NEMF: variants seen among roughly 807,000 people sequenced by gnomAD.
The protein encoded by NEMF is nuclear export mediator factor, also known as ribosome quality control complex subunit NEMF.
A neutral mutation model predicts 162.2 loss-of-function variants in NEMF; 89 were observed. That is an observed-to-expected ratio of 0.55 (90% confidence interval 0.46 to 0.65). NEMF has a LOEUF of 0.65. NEMF is among the 30% of genes least tolerant of loss of function. The probability of loss-of-function intolerance (pLI) is 0.00; values close to 1 mark genes in which losing one functional copy is unlikely to be tolerated. For synonymous variants in NEMF, 421 were observed against 404.5 expected, an observed-to-expected ratio of 1.04 and a Z score of -0.49; for missense variants, 1,133 against 1,261.9, an observed-to-expected ratio of 0.90 and a Z score of 1.55.
intron 26 of NEMF, among the ~76,000 whole-genome samples, chr14:49,795,313 G>A (rs932074332): frequency 2.0e-5 from 3 of 149,328 alleles, no homozygotes; most frequent in African/African-American, 7.4e-5. Flanking sequence ...GCATTCCAGC[G>A]TGGGTGACAG....
rs774580059 is a variant in NEMF at position 49,828,690 on chromosome 14, C to G, written c.1350G>C (p.Leu450=). The G allele has an allele frequency of 6.2e-7, 1 of 1,605,626 alleles. No homozygotes were observed. The highest frequency in any genetic ancestry group is 1.7e-5 in the Admixed American group (1 of 57,394). ...GKKKKQKNKQ[L]QKPQKNKPLL... ...AGGGCTTATTTTTCTGAGGCTTCTG[C>G]AGCTGTTTATTCTTTTGTTTTTTCT... The change falls in exon 14 of 33, where the codon CTG becomes CTC. Residue 450 remains leucine (L), a synonymous_variant. Coordinates refer to ENST00000298310, the MANE Select transcript of NEMF (RefSeq NM_004713.6).
intron 22 of NEMF, among the ~76,000 whole-genome samples, chr14:49,801,791 T>C (rs1890968296): frequency 6.6e-6 from 1 of 152,184 alleles, no homozygotes; most frequent in South Asian, 2.1e-4. Flanking sequence ...CTGCACTTTA[T>C]AAATTCATCT....
intron 18 of NEMF, among the ~76,000 whole-genome samples, chr14:49,806,603 A>G (rs902163696): frequency 1.3e-5 from 2 of 150,918 alleles, no homozygotes; most frequent in East Asian, 4.2e-4. Flanking sequence ...TTACTTCACC[A>G]TTATAAAAAG....
chr14:49,840,646 G>C (rs2099058535), intron 5 of NEMF, 72 bp downstream of exon 5: 1 of 1,338,396 alleles, frequency 7.5e-7, no homozygotes. Flanking sequence ...TTTTTTAAGA[G>C]ACAGGGTCTC....
chr14:49,803,513 T>C (rs1891046844), intron 19 of NEMF, among the ~76,000 whole-genome samples: 1 of 151,262 alleles, frequency 6.6e-6, no homozygotes. Context: ...ATCCACTACA[T>C]CAATAATTTT....
In NEMF at chr14:49,843,237, G is replaced by A. The variant is rs113211888; in HGVS notation, c.358-2371C>T. The stretch of plus-strand genomic sequence containing the variant: ...GAGCCAGGCGTGGTGGCTCACCCCC[G>A]TAATCCCAACACCTTAGGAGGTTGA... On this transcript the variant is annotated intron_variant, in intron 4 of 32. Coordinates refer to ENST00000298310, the MANE Select transcript of NEMF (RefSeq NM_004713.6). Among the ~76,000 whole-genome samples, 555 of 152,178 alleles carry A rather than the reference G, an allele frequency of 3.6e-3. 1 individual carries two copies. The highest frequency in any genetic ancestry group is 0.013 in the African/African-American group (532 of 41,524).
intron 3 of NEMF, among the ~76,000 whole-genome samples, chr14:49,848,254 TA>T (rs1448850289): frequency 1.3e-5 from 2 of 152,174 alleles, no homozygotes; most frequent in Non-Finnish European, 2.9e-5. Flanking sequence ...CAATCCAATG[TA>T]ATAACTCTCA....
intron 19 of NEMF, among the ~76,000 whole-genome samples, chr14:49,803,528 C>CTT (rs1221404012): frequency 2.1e-5 from 3 of 140,710 alleles, no homozygotes; most frequent in East Asian, 2.0e-4. Flanking sequence ...AATTTTCTTT[C>CTT]TTTTTTTTTT....
intron 22 of NEMF, among the ~76,000 whole-genome samples, chr14:49,801,954 C>CTT (rs199736302): frequency 1.4e-5 from 2 of 144,630 alleles, no homozygotes; most frequent in African/African-American, 2.5e-5. Flanking sequence ...CAATTAAATA[C>CTT]TTTTTTTTTT....
At chr14:49,803,624 G>A (rs569097511) in intron 19 of NEMF, among the ~76,000 whole-genome samples, 4 of 150,948 alleles carry the variant, frequency 2.6e-5, no homozygotes, top group Middle Eastern at 3.4e-3. Context: ...CTCCTTGGTT[G>A]AAGTGATTCT....
At chr14:49,841,433 G>C (rs140669126) in intron 4 of NEMF, among the ~76,000 whole-genome samples, 3 of 151,600 alleles carry the variant, frequency 2.0e-5, no homozygotes, top group African/African-American at 7.3e-5. Flanking sequence ...AATTAGTTGG[G>C]CGTGGTGGTG....
At chr14:49,820,308 T>C (rs1279418033) in intron 16 of NEMF, 1 of 404,970 alleles carries the variant, frequency 2.5e-6, no homozygotes, top group Non-Finnish European at 4.9e-6. Flanking sequence ...ACACATTTGA[T>C]CCTTTTTATG....
At chr14:49,820,566 C>T (rs1297293570) in intron 16 of NEMF, 2 of 450,714 alleles carry the variant, frequency 4.4e-6, no homozygotes, top group Admixed American at 2.4e-5. Context: ...GTCAGGAGTT[C>T]GAGACTAGCC....
intron 18 of NEMF, among the ~76,000 whole-genome samples, chr14:49,813,544 A>C (rs1283292333): frequency 6.6e-6 from 1 of 152,120 alleles, no homozygotes; most frequent in African/African-American, 2.4e-5. Context: ...CTCTCCCTTC[A>C]ATTCTGTCAG....
intron 19 of NEMF, 109 bp from the exon 20 acceptor site, chr14:49,803,403 T>C: frequency 3.1e-6 from 2 of 647,520 alleles, no homozygotes; most frequent in Non-Finnish European, 5.1e-6. Flanking sequence ...CACTGTCTTC[T>C]GAAAAGTTTA....
chr14:49,802,761 A>G, intron 20 of NEMF, 34 bp from the exon 21 acceptor site: 1 of 1,530,946 alleles, frequency 6.5e-7, no homozygotes. Context: ...TGCTTTGAAA[A>G]TCAGTCTTCT....
At chr14:49,808,099 T>C (rs534357408) in intron 18 of NEMF, among the ~76,000 whole-genome samples, 115 of 152,276 alleles carry the variant, frequency 7.6e-4, no homozygotes, top group Admixed American at 2.4e-3. Context: ...AGATATATGA[T>C]TTGCAAATAT....
chr14:49,802,421 C>T (rs1890998238), intron 22 of NEMF, 32 bp downstream of exon 22: 2 of 1,604,988 alleles, frequency 1.2e-6, no homozygotes, highest in Non-Finnish European at 1.7e-6. Flanking sequence ...CAAAAAACAT[C>T]ACAAGCTAAT....
At chr14:49,829,020 A>G (rs1395774676) in intron 13 of NEMF, 34 bp downstream of exon 13, 1 of 1,551,062 alleles carries the variant, frequency 6.4e-7, no homozygotes, top group South Asian at 1.2e-5. Context: ...AAATAAAGAC[A>G]AGCATTAACT....
Sources: gnomAD v4.1 joint callset for allele counts (sites outside exome capture counted in the v4.1 genomes callset) on GRCh38, gnomAD v4.1.1 for gene constraint, MANE v1.5 for transcripts, NCBI Gene and HGNC (gene_info 2026-07-23, HGNC 2026-07-21) for gene names.